Variants in ST3GAL4 observed in about 807,000 individuals in gnomAD.
ST3GAL4 encodes ST3 beta-galactoside alpha-2,3-sialyltransferase 4.
In ST3GAL4, 24 loss-of-function variants were observed where a neutral mutation model predicts 42.6. That is an observed-to-expected ratio of 0.56 (90% CI 0.41 to 0.79). The LOEUF (loss-of-function observed/expected upper bound fraction) is 0.79. Ranked by LOEUF, ST3GAL4 falls within the 30% of genes least tolerant of loss-of-function variation. The probability of loss-of-function intolerance (pLI) is 0.00; values close to 1 mark genes in which losing one functional copy is unlikely to be tolerated. For missense variants in ST3GAL4, 311 were observed against 430.8 expected, an observed-to-expected ratio of 0.72 and a Z score of 2.46; for synonymous variants, 135 against 163.2, an observed-to-expected ratio of 0.83 and a Z score of 1.32.
rs560549675 is a variant in ST3GAL4 at position 126,361,687 on chromosome 11, G to T, written c.-61+5845G>T. Among the ~76,000 whole-genome samples, 3 of 152,170 alleles carry T rather than the reference G, an allele frequency of 2.0e-5. No individual in the cohort carries two copies. The South Asian group carries it at 6.2e-4, about 32-fold the overall frequency. The stretch of plus-strand genomic sequence containing the variant: ...CCTGTGCTGGGGTGACCCCAGCATG[G>T]ACCTCAGTGGGGCTCAGGCTGAACC... On this transcript the variant is annotated intron_variant, in intron 1 of 10. Transcript: ENST00000444328.
chr11:126,395,888 G>C (rs1166490530), intron 1 of ST3GAL4, among the ~76,000 whole-genome samples: 3 of 152,070 alleles, frequency 2.0e-5, no homozygotes, highest in Non-Finnish European at 4.4e-5. Flanking sequence ...GCCTGTGTTG[G>C]GAGGAGTTGG....
Position 126,411,990 on chromosome 11 carries a change from A to G in ST3GAL4, c.772-1515A>G. Among the ~76,000 whole-genome samples the G allele has an allele frequency of 6.6e-6, 1 of 152,170 alleles. No homozygotes were observed. Among genetic ancestry groups the G allele is most frequent in the East Asian group, 1.9e-4 (1 of 5,196 alleles). On this transcript the variant is annotated intron_variant, in intron 9 of 10. Transcript: ENST00000444328. The surrounding 1 kb of genome is among the most constrained non-coding windows in gnomAD (Gnocchi z 6.3). ...CCACACGCGCAAGGGAGGAGATTAC[A>G]TGAGGGTTAGCGTCACTGGGGTTCT...
In ST3GAL4 at chr11:126,392,037, C is replaced by T. The variant is rs1025276837; in HGVS notation, c.-60-14059C>T. 3 of 151,846 alleles carry T rather than the reference C, an allele frequency of 2.0e-5. No homozygotes were observed. Among genetic ancestry groups the T allele is most frequent in the Non-Finnish European group, 2.9e-5 (2 of 68,054 alleles). 9.4% of individuals were successfully genotyped at this position (151,846 alleles called of 1,614,324 possible). ...CACCACTGACCTGAAGGCAGTTACACGTAATTTACAAATGAGGAATCTGAG... is the reference window on the plus strand; with the variant it reads ...CACCACTGACCTGAAGGCAGTTACATGTAATTTACAAATGAGGAATCTGAG... On this transcript the variant is annotated intron_variant, in intron 1 of 10. Coordinates refer to ENST00000444328, the MANE Select transcript of ST3GAL4 (RefSeq NM_001254757.2). The surrounding 1 kb of genome is among the most constrained non-coding windows in gnomAD (Gnocchi z 5.8).
Position 126,406,908 on chromosome 11 carries a change from T to A in ST3GAL4, c.102-35T>A. ...TGGAACATGGGTCCCTGGGTCTGAC[T>A]GGGGCTTCTGCCTCCTGTCCTTTTT... On this transcript the variant is annotated intron_variant, in intron 3 of 10. Coordinates refer to ENST00000444328, the MANE Select transcript of ST3GAL4 (RefSeq NM_001254757.2). This position sits in a 1 kb window ranked among gnomAD's most constrained non-coding sequence, Gnocchi z 5.4. The A allele has an allele frequency of 6.3e-7, 1 of 1,593,092 alleles. No individual in the cohort carries two copies. Among genetic ancestry groups the A allele is most frequent in the Non-Finnish European group, 8.6e-7 (1 of 1,161,674 alleles).
intron 9 of ST3GAL4, among the ~76,000 whole-genome samples, chr11:126,412,710 C>T (rs1413045811): frequency 6.6e-6 from 1 of 152,172 alleles, no homozygotes; most frequent in Non-Finnish European, 1.5e-5. Flanking sequence ...CATAAAGGGT[C>T]GCACAGTTAG....
chr11:126,390,152 A>C (rs997108579), intron 1 of ST3GAL4, among the ~76,000 whole-genome samples: 5 of 151,498 alleles, frequency 3.3e-5, no homozygotes, highest in African/African-American at 1.2e-4. Context: ...ACTGCACTCC[A>C]GCCTGGGTGA....
In ST3GAL4 at chr11:126,383,726, A is replaced by G. The variant is rs1565405755; in HGVS notation, c.-60-22370A>G. Among the ~76,000 whole-genome samples the G allele has an allele frequency of 6.6e-6, 1 of 152,092 alleles. No individual in the cohort carries two copies. The highest frequency in any genetic ancestry group is 1.5e-5 in the Non-Finnish European group (1 of 68,004). On this transcript the variant is annotated intron_variant, in intron 1 of 10. Coordinates refer to ENST00000444328, the MANE Select transcript of ST3GAL4 (RefSeq NM_001254757.2). The surrounding 1 kb of genome is among the most constrained non-coding windows in gnomAD (Gnocchi z 4.5). ...GGAGAGCTGCTGGAAGGGGCTGTCT[A>G]TGCCTTCAGGCTCTGAGTGTGGATG... is the stretch of plus-strand genomic sequence containing the variant.
In ST3GAL4 at chr11:126,364,863, CTG is replaced by C. The variant is rs1410256786; in HGVS notation, c.-61+9024_-61+9025del. On this transcript the variant is annotated intron_variant, in intron 1 of 10. Coordinates refer to ENST00000444328, the MANE Select transcript of ST3GAL4 (RefSeq NM_001254757.2). Reference sequence around the variant, plus strand: ...GGCCCTGATCACCGCACTCCCCACTCTGTGACCAGACGTTCTCTCCTGAGCAT... The same window carrying C: ...GGCCCTGATCACCGCACTCCCCACTCTGACCAGACGTTCTCTCCTGAGCAT... Among the ~76,000 whole-genome samples the C allele has an allele frequency of 5.9e-5, 9 of 151,714 alleles. 1 individual carries two copies. The highest frequency in any genetic ancestry group is 1.7e-4 in the African/African-American group (7 of 41,184).
At chr11:126,407,866 TCCCTC>T (rs1183783261) in intron 6 of ST3GAL4, among the ~76,000 whole-genome samples, 1 of 152,068 alleles carries the variant, frequency 6.6e-6, no homozygotes, top group Non-Finnish European at 1.5e-5. Context: ...CCCCATGCCT[TCCCTC>T]CACTCCTCTG....
chr11:126,405,922 G>A, intron 1 of ST3GAL4, 174 bp from the exon 2 acceptor site: 1 of 749,110 alleles, frequency 1.3e-6, no homozygotes. Flanking sequence ...TGCCGCCCTT[G>A]GAGGAGTTAG....
chr11:126,357,132 G>A lies in ST3GAL4; in HGVS notation c.-61+1290G>A, dbSNP rs999662806. ...CTGTTTGGGGCCTAGAAATGAACTC[G>A]GGAGGTTGTTTTGCTTGCTGAGAGC... On this transcript the variant is annotated intron_variant, in intron 1 of 10. Coordinates refer to ENST00000444328, the MANE Select transcript of ST3GAL4 (RefSeq NM_001254757.2). Among the ~76,000 whole-genome samples, 3 of 152,154 alleles carry A rather than the reference G, an allele frequency of 2.0e-5. No homozygotes were observed. In the East Asian group the frequency reaches 5.8e-4, roughly 29 times the overall value.
rs1953231017 is a variant in ST3GAL4 at position 126,386,464 on chromosome 11, A to G, written c.-60-19632A>G. Among the ~76,000 whole-genome samples the G allele has an allele frequency of 6.6e-6, 1 of 152,090 alleles. No individual in the cohort carries two copies. Among genetic ancestry groups the G allele is most frequent in the Non-Finnish European group, 1.5e-5 (1 of 68,016 alleles). On this transcript the variant is annotated intron_variant, in intron 1 of 10. Transcript: ENST00000444328. This position sits in a 1 kb window ranked among gnomAD's most constrained non-coding sequence, Gnocchi z 4.7. ...TGGGGTCCCCAGCCTGTGCTGGGAC[A>G]GGGGTATTATTCCAGTAGCCCTTCT...
At chr11:126,404,610 C>A (rs1475339185) in intron 1 of ST3GAL4, among the ~76,000 whole-genome samples, 2 of 152,168 alleles carry the variant, frequency 1.3e-5, no homozygotes, top group East Asian at 3.9e-4. Flanking sequence ...ACGCCCCTTT[C>A]AGAAGAGCTG....
rs568881060 is a variant in ST3GAL4 at position 126,413,775 on chromosome 11, G to T, written c.915+127G>T. On this transcript the variant is annotated intron_variant, in intron 10 of 10. Coordinates refer to ENST00000444328, the MANE Select transcript of ST3GAL4 (RefSeq NM_001254757.2). Reference sequence around the variant, plus strand: ...TCCCGCAGTCAGAACTGGAACCGAGGCACCTGGACTCCCTGGCCAGCATCC... The same window carrying T: ...TCCCGCAGTCAGAACTGGAACCGAGTCACCTGGACTCCCTGGCCAGCATCC... 1.8e-5 allele frequency: 26 copies of T among 1,461,072 alleles called. 1 individual carries two copies. Among genetic ancestry groups the T allele is most frequent in the Non-Finnish European group, 2.3e-5 (25 of 1,074,434 alleles). 90.5% of individuals were successfully genotyped at this position (1,461,072 alleles called of 1,614,324 possible). A position where few individuals can be genotyped will look rare whatever the true frequency, so the allele number is the denominator to read the frequency against.
intron 8 of ST3GAL4, chr11:126,408,719 A>T (rs995164676): frequency 3.4e-6 from 2 of 585,040 alleles, no homozygotes; most frequent in Non-Finnish European, 6.0e-6. Flanking sequence ...GTCAGGTGGC[A>T]GCAGCCACAG....
At position 126,400,157 on chromosome 11, in the gene ST3GAL4, G is replaced by T. The variant is rs1197801620; in HGVS notation, c.-60-5939G>T. ...TACCACAGATTGAGTATATTATAAT[G>T]AATAGAATTTTATTTGGCTCATGGT... On this transcript the variant is annotated intron_variant, in intron 1 of 10. Coordinates refer to ENST00000444328, the MANE Select transcript of ST3GAL4 (RefSeq NM_001254757.2). This position sits in a 1 kb window ranked among gnomAD's most constrained non-coding sequence, Gnocchi z 4.6. 5.3e-5 allele frequency among the ~76,000 whole-genome samples: 8 copies of T among 152,142 alleles called. No individual in the cohort carries two copies. The highest frequency in any genetic ancestry group is 1.9e-4 in the African/African-American group (8 of 41,402).
rs1380443494 is a variant in ST3GAL4 at position 126,400,460 on chromosome 11, C to T, written c.-60-5636C>T. ...CAACACATTCAAACCATAGCAGGCA[C>T]CTTAATAAAGGTGGAAAAGGGATGT... On this transcript the variant is annotated intron_variant, in intron 1 of 10. Coordinates refer to ENST00000444328, the MANE Select transcript of ST3GAL4 (RefSeq NM_001254757.2). This position sits in a 1 kb window ranked among gnomAD's most constrained non-coding sequence, Gnocchi z 4.6. 6.6e-6 allele frequency among the ~76,000 whole-genome samples: 1 copy of T among 152,124 alleles called. No homozygotes were observed. Among genetic ancestry groups the T allele is most frequent in the South Asian group, 2.1e-4 (1 of 4,820 alleles).
rs1417151131 is a variant in ST3GAL4, at chr11:126,384,458, T to A, written c.-60-21638T>A. Among the ~76,000 whole-genome samples, 2 of 151,646 alleles carry A rather than the reference T, an allele frequency of 1.3e-5. No homozygotes were observed. Among genetic ancestry groups the A allele is most frequent in the Non-Finnish European group, 2.9e-5 (2 of 67,926 alleles). Reference sequence around the variant, plus strand: ...TTTGGGGTACTGGGTTTGGATAGAGTGTGTCATCTGCAGAGGCAGCACTGT... The same window carrying A: ...TTTGGGGTACTGGGTTTGGATAGAGAGTGTCATCTGCAGAGGCAGCACTGT... On this transcript the variant is annotated intron_variant, in intron 1 of 10. Coordinates refer to ENST00000444328, the MANE Select transcript of ST3GAL4 (RefSeq NM_001254757.2). This position sits in a 1 kb window ranked among gnomAD's most constrained non-coding sequence, Gnocchi z 5.5.
intron 1 of ST3GAL4, among the ~76,000 whole-genome samples, chr11:126,380,412 C>G (rs1195860124): frequency 6.6e-6 from 1 of 152,116 alleles, no homozygotes; most frequent in Non-Finnish European, 1.5e-5. Flanking sequence ...TCAGAGCCAC[C>G]AGTAGAGTGG....
Sources: allele counts gnomAD v4.1 joint callset (sites outside exome capture counted in the v4.1 genomes callset), GRCh38; gene constraint gnomAD v4.1.1; non-coding constraint Gnocchi (gnomAD v3.1); transcripts MANE v1.5; gene names NCBI Gene and HGNC (gene_info 2026-07-23, HGNC 2026-07-21).